Variants in HIBADH observed in about 807,000 individuals in gnomAD.
HIBADH encodes the protein 3-hydroxyisobutyrate dehydrogenase, mitochondrial.
A neutral mutation model predicts 36.1 loss-of-function variants in HIBADH; 25 were observed. The observed-to-expected ratio is 0.69, with a 90% CI of 0.50 to 0.97. HIBADH has a LOEUF of 0.97. HIBADH is among the 50% of genes least tolerant of loss of function. The pLI is 0.00. For synonymous variants in HIBADH, 160 were observed against 149.5 expected (o/e 1.07, Z -0.51); for missense variants, 421 against 418.0 (o/e 1.01, Z -0.06).
At chr7:27,600,556 G>A (rs1023112235) in intron 4 of HIBADH, among the ~76,000 whole-genome samples, 2 of 152,006 alleles carry the variant, frequency 1.3e-5, no homozygotes, top group African/African-American at 4.8e-5. Context: ...AAGGGTGAGG[G>A]TCAGAATATA....
At chr7:27,591,488 T>C (rs1276226434) in intron 4 of HIBADH, among the ~76,000 whole-genome samples, 3 of 150,886 alleles carry the variant, frequency 2.0e-5, no homozygotes, top group Middle Eastern at 3.4e-3. Context: ...GAGGCGGAGG[T>C]TGCAGTGAGC....
intron 2 of HIBADH, among the ~76,000 whole-genome samples, chr7:27,641,576 A>G (rs6946305): frequency 0.79 from 120,551 of 152,148 alleles, 48,130 homozygotes; most frequent in East Asian, 0.97. Flanking sequence ...AATGAAATTC[A>G]TTTTTTCTTT....
intron 2 of HIBADH, among the ~76,000 whole-genome samples, chr7:27,638,324 A>AAAAAAAAAAAAAAAAAAAAAAAAAAAAG (rs1785889350): frequency 6.7e-6 from 1 of 148,548 alleles, no homozygotes; most frequent in Non-Finnish European, 1.5e-5. Context: ...AAAAAAAAAA[A>AAAAAAAAAAAAAAAAAAAAAAAAAAAAG]AAAAAACAAG....
intron 2 of HIBADH, 35 bp downstream of exon 2, chr7:27,649,438 C>T: frequency 6.5e-7 from 1 of 1,527,544 alleles, no homozygotes; most frequent in Non-Finnish European, 8.8e-7. Context: ...TTTTCATTCT[C>T]AAAATCTAAA....
chr7:27,551,971 A>T (rs1784324826), intron 4 of HIBADH, among the ~76,000 whole-genome samples: 1 of 152,162 alleles, frequency 6.6e-6, no homozygotes, highest in African/African-American at 2.4e-5. Context: ...ACCATTTACG[A>T]CTTGCTATGG....
chr7:27,527,917 C>CTTTCTTT (rs1562609863), intron 7 of HIBADH, among the ~76,000 whole-genome samples: 1 of 77,026 alleles, frequency 1.3e-5, no homozygotes, highest in African/African-American at 5.5e-5. Context: ...CCACACCCAG[C>CTTTCTTT]GTTTTTTTTT....
chr7:27,632,422 A>T lies in HIBADH; in HGVS notation c.276T>A (p.Val92=), dbSNP rs1415146083. The part of the protein sequence containing the change: ...GEQVVSSPAD[V]AEKADRIITM... ...TAATAATTCTGTCAGCTTTTTCAGC[A>T]ACATCTGCTGGGGAAGATACTACCT... Residue 92 remains valine (V), a synonymous_variant, in exon 3 of 8, where the codon GTT becomes GTA. Transcript: ENST00000265395. The T allele has an allele frequency of 6.2e-7, 1 of 1,613,336 alleles. No individual in the cohort carries two copies. Among genetic ancestry groups the T allele is most frequent in the Non-Finnish European group, 8.5e-7 (1 of 1,179,440 alleles).
chr7:27,577,828 T>C (rs979463210), intron 4 of HIBADH, among the ~76,000 whole-genome samples: 12 of 152,214 alleles, frequency 7.9e-5, no homozygotes, highest in Admixed American at 2.6e-4. Flanking sequence ...TGATGTACCA[T>C]TGCTGCAGAA....
intron 1 of HIBADH, among the ~76,000 whole-genome samples, chr7:27,659,649 G>A (rs778599381): frequency 1.3e-5 from 2 of 152,122 alleles, no homozygotes; most frequent in Non-Finnish European, 2.9e-5. Context: ...TTGAGCCCAC[G>A]AGGTTGAGGC....
intron 2 of HIBADH, 185 bp downstream of exon 2, chr7:27,649,288 G>A: frequency 2.2e-6 from 1 of 457,108 alleles, no homozygotes; most frequent in South Asian, 5.6e-5. Context: ...ACCCCTGAAT[G>A]TCTAACGAGA....
chr7:27,576,371 T>A (rs1190008530), intron 4 of HIBADH, among the ~76,000 whole-genome samples: 2 of 152,244 alleles, frequency 1.3e-5, no homozygotes, highest in African/African-American at 4.8e-5. Flanking sequence ...CAGAGAAATA[T>A]AATAGTGCAT....
At chr7:27,643,669 A>G (rs1458955577) in intron 2 of HIBADH, among the ~76,000 whole-genome samples, 1 of 152,216 alleles carries the variant, frequency 6.6e-6, no homozygotes, top group Non-Finnish European at 1.5e-5. Context: ...AAGTTACCAC[A>G]AGCACCGTCG....
Position 27,649,466 on chromosome 7 carries a change from G to T in HIBADH, c.252+7C>A. ...AATCTAAAACAAATCTAAAGAAAAGGTCTTACCTGTTCACCTGCATCTTGA... is the reference window on the plus strand; with the variant it reads ...AATCTAAAACAAATCTAAAGAAAAGTTCTTACCTGTTCACCTGCATCTTGA... On this transcript the variant is annotated splice_region_variant and intron_variant, in intron 2 of 7. Transcript: ENST00000265395. 1.3e-6 allele frequency: 2 copies of T among 1,598,236 alleles called. No homozygotes were observed. Among genetic ancestry groups the T allele is most frequent in the Non-Finnish European group, 1.7e-6 (2 of 1,172,102 alleles).
chr7:27,563,488 G>A (rs1784497088), intron 4 of HIBADH, among the ~76,000 whole-genome samples: 1 of 152,204 alleles, frequency 6.6e-6, no homozygotes, highest in African/African-American at 2.4e-5. Flanking sequence ...GTTTTCCAAA[G>A]TGGTTGTGCT....
intron 2 of HIBADH, among the ~76,000 whole-genome samples, chr7:27,638,495 G>A (rs1785897379): frequency 6.6e-6 from 1 of 151,906 alleles, no homozygotes; most frequent in East Asian, 1.9e-4. Context: ...AAACCTGGAA[G>A]ATAACCTAGG....
At chr7:27,573,096 A>C (rs1407542777) in intron 4 of HIBADH, among the ~76,000 whole-genome samples, 2 of 152,236 alleles carry the variant, frequency 1.3e-5, no homozygotes, top group East Asian at 1.9e-4. Context: ...AAGCAAACGC[A>C]TAAAGGCGAA....
rs571270941 is a variant in HIBADH, at chr7:27,536,955, C to A, written c.695+1386G>T. ...AAATTCTAAACATACATATGCATAC[C>A]AATCCTGGTGTCAACACCAATTAAT... is the stretch of plus-strand genomic sequence containing the variant. On this transcript the variant is annotated intron_variant, in intron 6 of 7. Transcript: ENST00000265395. Among the ~76,000 whole-genome samples, 6 of 152,258 alleles carry A rather than the reference C, an allele frequency of 3.9e-5. No individual in the cohort carries two copies. The East Asian group carries it at 1.2e-3, about 29-fold the overall frequency.
At chr7:27,656,022 C>A (rs1786296947) in intron 1 of HIBADH, among the ~76,000 whole-genome samples, 1 of 152,042 alleles carries the variant, frequency 6.6e-6, no homozygotes, top group Non-Finnish European at 1.5e-5. Context: ...CTAGCAATTC[C>A]ATTTCTAAGA....
chr7:27,659,777 G>T (rs1203026794), intron 1 of HIBADH, among the ~76,000 whole-genome samples: 1 of 152,042 alleles, frequency 6.6e-6, no homozygotes, highest in African/African-American at 2.4e-5. Context: ...GATGTGGCAG[G>T]CTGGGCACAG....
Sources: allele counts gnomAD v4.1 joint callset (sites outside exome capture counted in the v4.1 genomes callset), GRCh38; gene constraint gnomAD v4.1.1; transcripts MANE v1.5; gene names NCBI Gene and HGNC (gene_info 2026-07-23, HGNC 2026-07-21).